Variants in NR3C2 observed in about 807,000 individuals in gnomAD.
NR3C2 encodes mineralocorticoid receptor.
Under a neutral mutation model 86.4 loss-of-function variants are expected in NR3C2, and 15 were observed. The observed-to-expected ratio is 0.17, with a 90% CI of 0.12 to 0.27. The LOEUF (loss-of-function observed/expected upper bound fraction) is 0.27, where lower values mean the gene tolerates loss of function less well. Among genes scored for constraint, NR3C2 ranks in the 10% least tolerant of loss-of-function variants. The pLI is 1.00. For synonymous variants in NR3C2, 458 were observed against 450.5 expected, an observed-to-expected ratio of 1.02 and a Z score of -0.21; for missense variants, 960 against 1,195.6, an observed-to-expected ratio of 0.80 and a Z score of 2.91.
chr4:148,304,327 GCTT>G, intron 2 of NR3C2, among the ~76,000 whole-genome samples: 1 of 66,064 alleles, frequency 1.5e-5, no homozygotes. Context: ...AGTTGTTGTT[GCTT>G]TTTTTTTTTT....
At chr4:148,222,874 A>G (rs1311761511) in intron 3 of NR3C2, among the ~76,000 whole-genome samples, 2 of 152,160 alleles carry the variant, frequency 1.3e-5, no homozygotes, top group Non-Finnish European at 2.9e-5. Context: ...ATTTCAGATA[A>G]CATCATGCTC....
chr4:148,154,366 C>T (rs1199978525), intron 5 of NR3C2, among the ~76,000 whole-genome samples, 185 bp downstream of exon 5: 5 of 152,184 alleles, frequency 3.3e-5, no homozygotes, highest in Admixed American at 2.0e-4. Flanking sequence ...CCTGCATTCT[C>T]GGAAGAAATG....
intron 2 of NR3C2, among the ~76,000 whole-genome samples, chr4:148,266,293 G>A (rs1454935480): frequency 3.9e-5 from 6 of 152,046 alleles, no homozygotes. Context: ...GGACAGTCTC[G>A]ATATCTTGAC....
chr4:148,266,166 G>A (rs1305899431), intron 2 of NR3C2, among the ~76,000 whole-genome samples: 1 of 147,606 alleles, frequency 6.8e-6, no homozygotes, highest in Admixed American at 6.9e-5. Flanking sequence ...TCCGCCTCCC[G>A]GGTTCAAGCG....
intron 2 of NR3C2, among the ~76,000 whole-genome samples, chr4:148,353,260 C>G (rs1211309521): frequency 2.0e-5 from 3 of 151,776 alleles, no homozygotes; most frequent in Non-Finnish European, 4.4e-5. Context: ...TTTCAAAAAC[C>G]CTGATAAAAT....
chr4:148,091,627 G>A (rs1050578504), intron 8 of NR3C2, among the ~76,000 whole-genome samples: 15 of 152,224 alleles, frequency 9.9e-5, no homozygotes, highest in African/African-American at 3.6e-4. Flanking sequence ...GCATCTACCA[G>A]TCACCCTGTA....
intron 2 of NR3C2, among the ~76,000 whole-genome samples, chr4:148,291,718 A>G (rs551208465): frequency 3.3e-5 from 5 of 152,186 alleles, no homozygotes; most frequent in African/African-American, 1.2e-4. Context: ...TCCATTCTCA[A>G]CTTTACTCTC....
At chr4:148,241,450 C>G (rs530910469) in intron 3 of NR3C2, among the ~76,000 whole-genome samples, 76 of 151,714 alleles carry the variant, frequency 5.0e-4, no homozygotes, top group African/African-American at 1.7e-3. Flanking sequence ...CCTTCCATAC[C>G]ACATTAGCCA....
chr4:148,130,824 T>G (rs58827808), intron 6 of NR3C2, among the ~76,000 whole-genome samples: 4,078 of 76,500 alleles, frequency 0.053, 151 homozygotes, highest in African/African-American at 0.17. Flanking sequence ...GTTTTGTTTT[T>G]TTTTTTTTTT....
chr4:148,083,828 A>G (rs943846855), intron 8 of NR3C2, among the ~76,000 whole-genome samples: 9 of 152,164 alleles, frequency 5.9e-5, no homozygotes, highest in African/African-American at 1.9e-4. Context: ...AAGAATATAA[A>G]TGACCTGATG....
chr4:148,121,869 T>G (rs994144216), intron 6 of NR3C2, among the ~76,000 whole-genome samples: 1 of 152,232 alleles, frequency 6.6e-6, no homozygotes, highest in Non-Finnish European at 1.5e-5. Flanking sequence ...ACTTATCCAT[T>G]CCACTACTGA....
At chr4:148,311,343 A>G (rs1002086258) in intron 2 of NR3C2, among the ~76,000 whole-genome samples, 2 of 152,180 alleles carry the variant, frequency 1.3e-5, no homozygotes, top group African/African-American at 4.8e-5. Context: ...CTGAGAAAAC[A>G]TACTTCTCAC....
At position 148,326,151 on chromosome 4, in the gene NR3C2, G is replaced by A. The variant is rs540415565; in HGVS notation, c.1758-66034C>T. 7.2e-4 allele frequency among the ~76,000 whole-genome samples: 110 copies of A among 151,934 alleles called. 1 individual carries two copies. Among genetic ancestry groups the A allele is most frequent in the African/African-American group, 2.6e-3 (109 of 41,462 alleles). On this transcript the variant is annotated intron_variant, in intron 2 of 8. Transcript: ENST00000358102. ...CACGCCTGTAATCCAAGCACTTTGG[G>A]AGGCTGAGGCGGGAGGATCACAAGG...
At chr4:148,361,828 T>TTTGTTGTTGTCG (rs10528442) in intron 2 of NR3C2, among the ~76,000 whole-genome samples, 1 of 151,880 alleles carries the variant, frequency 6.6e-6, no homozygotes, top group Non-Finnish European at 1.5e-5. Flanking sequence ...ACCCTAAAGT[T>TTTGTTGTTGTCG]TTGTTGTTAT....
intron 2 of NR3C2, among the ~76,000 whole-genome samples, chr4:148,390,580 A>T (rs1164534759): frequency 6.6e-6 from 1 of 152,184 alleles, no homozygotes; most frequent in Non-Finnish European, 1.5e-5. Flanking sequence ...TGAAAAATAC[A>T]ACAAGGTTCT....
intron 2 of NR3C2, among the ~76,000 whole-genome samples, chr4:148,426,597 C>G (rs373357813): frequency 6.6e-6 from 1 of 152,218 alleles, no homozygotes; most frequent in African/African-American, 2.4e-5. Flanking sequence ...TGGTTCTCTA[C>G]ATAATTCTGT....
chr4:148,383,208 TTAA>T lies in NR3C2; in HGVS notation c.1757+51893_1757+51895del, dbSNP rs1219536853. 5.3e-5 allele frequency among the ~76,000 whole-genome samples: 8 copies of T among 152,164 alleles called. No homozygotes were observed. In the East Asian group the frequency reaches 1.2e-3, roughly 22 times the overall value. On this transcript the variant is annotated intron_variant, in intron 2 of 8. Transcript: ENST00000358102. ...ACATAAAAAGTAGCTATAACAGGATTTAAAGCTGCAATTTTGAATGATTTTTTA... is the reference window on the plus strand; with the variant it reads ...ACATAAAAAGTAGCTATAACAGGATTAGCTGCAATTTTGAATGATTTTTTA...
In NR3C2 at chr4:148,394,563, A is replaced by G. The variant is rs545098751; in HGVS notation, c.1757+40541T>C. Reference sequence around the variant, plus strand: ...GCAGAGTGGCAGAGTGTGGTGGCACACATCTGTAGTCCCAGCTACCCAGAA... The same window carrying G: ...GCAGAGTGGCAGAGTGTGGTGGCACGCATCTGTAGTCCCAGCTACCCAGAA... On this transcript the variant is annotated intron_variant, in intron 2 of 8. Coordinates refer to ENST00000358102, the MANE Select transcript of NR3C2 (RefSeq NM_000901.5). 3.3e-5 allele frequency among the ~76,000 whole-genome samples: 5 copies of G among 151,826 alleles called. No homozygotes were observed. In the South Asian group the frequency reaches 1.0e-3, roughly 32 times the overall value.
At chr4:148,293,475 C>T (rs1741893662) in intron 2 of NR3C2, among the ~76,000 whole-genome samples, 2 of 152,150 alleles carry the variant, frequency 1.3e-5, no homozygotes, top group Non-Finnish European at 2.9e-5. Flanking sequence ...CCTACAAATG[C>T]TAAGTTTGGT....
Sources: gnomAD v4.1 joint callset for allele counts (sites outside exome capture counted in the v4.1 genomes callset) on GRCh38, gnomAD v4.1.1 for gene constraint, MANE v1.5 for transcripts, NCBI Gene and HGNC (gene_info 2026-07-23, HGNC 2026-07-21) for gene names.